AVL9: variants seen among roughly 807,000 people sequenced by gnomAD.
AVL9 encodes the protein AVL9 cell migration associated.
AVL9 carries 49 observed loss-of-function variants against 79.2 expected under a neutral mutation model. The observed-to-expected ratio is 0.62, with a 90% CI of 0.49 to 0.79. The LOEUF (loss-of-function observed/expected upper bound fraction) is 0.79, where lower values mean the gene tolerates loss of function less well. Among genes scored for constraint, AVL9 ranks in the 30% least tolerant of loss-of-function variants. AVL9 has a pLI of 0.00. For synonymous variants in AVL9, 299 were observed against 280.6 expected, an observed-to-expected ratio of 1.07 and a Z score of -0.65; for missense variants, 682 against 776.8, an observed-to-expected ratio of 0.88 and a Z score of 1.45.
chr7:32,576,050 G>A lies in AVL9; in HGVS notation c.1666G>A (p.Ala556Thr). The A allele has an allele frequency of 6.2e-7, 1 of 1,613,694 alleles. No individual in the cohort carries two copies. The highest frequency in any genetic ancestry group is 8.5e-7 in the Non-Finnish European group (1 of 1,179,654). The change falls in exon 13 of 16, where the codon GCA (alanine) becomes ACA (threonine). Residue 556 changes from alanine to threonine, a missense_variant. Transcript: ENST00000318709. Reference sequence around the variant, plus strand: ...GGTGTGGAACAGCAACAAGCATCCAGCACTTGCAGAAATAAATCCAAAGTA... The same window carrying A: ...GGTGTGGAACAGCAACAAGCATCCAACACTTGCAGAAATAAATCCAAAGTA... ...YRVWNSNKHP[A>T]LAEINPNHPF...
chr7:32,520,865 G>A (rs979673759), intron 1 of AVL9, among the ~76,000 whole-genome samples: 3 of 152,108 alleles, frequency 2.0e-5, no homozygotes, highest in African/African-American at 4.8e-5. Context: ...GTATCTCCCC[G>A]AATTCACATG....
intron 2 of AVL9, 88 bp downstream of exon 2, chr7:32,543,349 G>A: frequency 5.4e-6 from 8 of 1,475,244 alleles, no homozygotes; most frequent in Non-Finnish European, 7.4e-6. Flanking sequence ...AGAAATTAAA[G>A]GCCTTCAGCC....
At chr7:32,570,794 T>C (rs1368530535) in intron 11 of AVL9, among the ~76,000 whole-genome samples, 1 of 151,206 alleles carries the variant, frequency 6.6e-6, no homozygotes, top group Non-Finnish European at 1.5e-5. Context: ...TAATTTTTTC[T>C]ATTTTTAGTA....
intron 1 of AVL9, among the ~76,000 whole-genome samples, chr7:32,508,512 T>G (rs554230401): frequency 6.6e-6 from 1 of 152,364 alleles, no homozygotes; most frequent in African/African-American, 2.4e-5. Flanking sequence ...TTTTTCCTAC[T>G]AAGTAATTAA....
At chr7:32,541,221 T>A (rs1316077903) in intron 1 of AVL9, among the ~76,000 whole-genome samples, 1 of 151,460 alleles carries the variant, frequency 6.6e-6, no homozygotes, top group African/African-American at 2.4e-5. Context: ...TTTTTAGAAT[T>A]TTCTGTATTA....
At position 32,495,496 on chromosome 7, in the gene AVL9, G is replaced by C. The variant is rs1786748649; in HGVS notation, c.-214G>C. 5.2e-6 allele frequency: 2 copies of C among 385,938 alleles called. No homozygotes were observed. The highest frequency in any genetic ancestry group is 9.2e-6 in the Non-Finnish European group (2 of 217,776). 23.9% of individuals were successfully genotyped at this position (385,938 alleles called of 1,614,324 possible). On this transcript the variant is annotated 5_prime_UTR_variant, in exon 1 of 16. Transcript: ENST00000318709. ...TCGCCGGCGGCGGCCGCCGTGTCAG[G>C]TGACAGCCCGGAAGCTGCGGAAGCG...
intron 13 of AVL9, among the ~76,000 whole-genome samples, chr7:32,576,427 T>C (rs1257051166): frequency 6.6e-6 from 1 of 152,162 alleles, no homozygotes; most frequent in African/African-American, 2.4e-5. Flanking sequence ...TAGAAGGAAA[T>C]ACCACTGGTT....
At chr7:32,552,012 C>G (rs1239648300) in intron 5 of AVL9, among the ~76,000 whole-genome samples, 1 of 88,696 alleles carries the variant, frequency 1.1e-5, no homozygotes, top group Non-Finnish European at 2.4e-5. Context: ...AGTAGCTTTT[C>G]ATACTCAACT....
intron 8 of AVL9, among the ~76,000 whole-genome samples, chr7:32,557,250 G>A (rs1033496081): frequency 6.6e-6 from 1 of 151,740 alleles, no homozygotes; most frequent in East Asian, 1.9e-4. Context: ...ATAGGGTCTC[G>A]CTGTGTTGCG....
chr7:32,513,405 A>G (rs1427931459), intron 1 of AVL9, among the ~76,000 whole-genome samples: 3 of 152,226 alleles, frequency 2.0e-5, no homozygotes, highest in Non-Finnish European at 4.4e-5. Flanking sequence ...AAAGCCTGAT[A>G]CTTGGAGGCT....
Position 32,558,998 on chromosome 7 carries a change from G to A in AVL9, c.749G>A (p.Gly250Glu). Residue 250 changes from glycine (G) to glutamate (E), a missense_variant, in exon 10 of 16, where the codon GGG becomes GAG. Gly to Glu is a moderately conservative substitution (Grantham distance 98). Transcript: ENST00000318709. ...CGGAAAAGTATGTCTGAAGATGGTG[G>A]GCTTCAGGAAAGTAACCCATGTGCA... Reference protein sequence around the residue: ...RPRKSMSEDGGLQESNPCADD... With the variant: ...RPRKSMSEDGELQESNPCADD... 6.2e-7 allele frequency: 1 copy of A among 1,613,650 alleles called. No homozygotes were observed. The highest frequency in any genetic ancestry group is 8.5e-7 in the Non-Finnish European group (1 of 1,179,784).
chr7:32,527,385 T>C (rs1406637849), intron 1 of AVL9, among the ~76,000 whole-genome samples: 2 of 152,362 alleles, frequency 1.3e-5, no homozygotes, highest in East Asian at 3.9e-4. Flanking sequence ...GATAGTTCTA[T>C]ATGTCTTTTA....
Position 32,556,545 on chromosome 7 carries a change from G to A in AVL9, c.609+1949G>A, listed in dbSNP as rs1262400221. Among the ~76,000 whole-genome samples the A allele has an allele frequency of 1.1e-3, 66 of 59,024 alleles. 2 individuals are homozygous for A. In the Admixed American group the frequency reaches 0.011, roughly 10 times the overall value. The allele number at this position is 59,024 out of a possible 152,430, so 38.7% of individuals were successfully genotyped here. A position where few individuals can be genotyped will look rare whatever the true frequency, so the allele number is the denominator to read the frequency against. ...AATGAATGAATGAATGAATGAATGA[G>A]TATTCCTTCAAACAGAAAAAAAGAT... is the stretch of plus-strand genomic sequence containing the variant. On this transcript the variant is annotated intron_variant, in intron 8 of 15. Transcript: ENST00000318709.
intron 1 of AVL9, among the ~76,000 whole-genome samples, chr7:32,498,986 A>G (rs143606120): frequency 1 from 15,917 of 15,928 alleles, 7,954 homozygotes; most frequent in Middle Eastern, 1. Flanking sequence ...CAACACGGTG[A>G]AACCCCGCCT....
chr7:32,556,592 A>G (rs1296649119), intron 8 of AVL9, among the ~76,000 whole-genome samples: 1 of 152,106 alleles, frequency 6.6e-6, no homozygotes, highest in Non-Finnish European at 1.5e-5. Context: ...TTTAAAAATG[A>G]ACCCAGCATA....
chr7:32,535,241 A>G (rs893229515), intron 1 of AVL9: 2 of 152,190 alleles, frequency 1.3e-5, no homozygotes, highest in Non-Finnish European at 2.9e-5. Context: ...TGGAAATGTA[A>G]ATAAAATCTT....
At chr7:32,538,531 T>C (rs1381269501) in intron 1 of AVL9, 3 of 151,730 alleles carry the variant, frequency 2.0e-5, no homozygotes, top group African/African-American at 7.3e-5. Context: ...TCTTTTAACT[T>C]TCTGTAAGTT....
intron 1 of AVL9, chr7:32,538,614 A>G (rs992559640): frequency 1.3e-5 from 2 of 152,052 alleles, no homozygotes; most frequent in African/African-American, 4.8e-5. Flanking sequence ...TCCATCCCCA[A>G]CCTCATTCTC....
chr7:32,509,240 G>C (rs1316727945), intron 1 of AVL9, among the ~76,000 whole-genome samples: 2 of 152,110 alleles, frequency 1.3e-5, no homozygotes, highest in Non-Finnish European at 2.9e-5. Context: ...CTTAAGGGCA[G>C]AAAGTCCCTG....
Sources: allele counts gnomAD v4.1 joint callset (sites outside exome capture counted in the v4.1 genomes callset), GRCh38; gene constraint gnomAD v4.1.1; transcripts MANE v1.5; gene names NCBI Gene and HGNC (gene_info 2026-07-23, HGNC 2026-07-21).